Variants in SKIC8 observed in about 807,000 individuals in gnomAD.
SKIC8 encodes the protein SKI8 subunit of superkiller complex, also known as superkiller complex protein 8.
chr15:78,298,831 C>CT, the SKIC8 span, among the ~76,000 whole-genome samples: 1 of 152,140 alleles, frequency 6.6e-6, no homozygotes, highest in Admixed American at 6.5e-5. Flanking sequence ...ATCAGTTCCA[C>CT]TTTTCTAGTA....
chr15:78,288,369 G>GGGCAT, the SKIC8 span: 1 of 1,613,638 alleles, frequency 6.2e-7, no homozygotes, highest in Non-Finnish European at 8.5e-7. Flanking sequence ...AGGAGCGAAT[G>GGGCAT]GGCATGGCAT....
the SKIC8 span, chr15:78,289,836 A>T: frequency 6.5e-7 from 1 of 1,535,578 alleles, no homozygotes; most frequent in Non-Finnish European, 8.9e-7. Context: ...AAACCACACC[A>T]GTGAGACAGC....
chr15:78,285,894 C>T, the SKIC8 span: 1 of 592,104 alleles, frequency 1.7e-6, no homozygotes, highest in South Asian at 3.6e-5. Flanking sequence ...CAACTAACAT[C>T]ACTAAATAAA....
the SKIC8 span, chr15:78,289,930 CAG>C: frequency 6.2e-7 from 1 of 1,609,750 alleles, no homozygotes; most frequent in Non-Finnish European, 8.5e-7. Flanking sequence ...AGAAGGAGAA[CAG>C]AGAGCAATGT....
At chr15:78,296,078 A>C in the SKIC8 span, 8 of 165,472 alleles carry the variant, frequency 4.8e-5, no homozygotes, top group Non-Finnish European at 9.1e-5. Flanking sequence ...ACAAACAAAC[A>C]TGGGGGAATC....
the SKIC8 span, among the ~76,000 whole-genome samples, chr15:78,294,305 G>C: frequency 6.6e-6 from 1 of 152,180 alleles, no homozygotes; most frequent in East Asian, 1.9e-4. Flanking sequence ...AAATTCCTTA[G>C]GCCTTCTCAA....
At chr15:78,292,061 A>C in the SKIC8 span, 2 of 153,972 alleles carry the variant, frequency 1.3e-5, no homozygotes, top group African/African-American at 4.8e-5. Context: ...TAAAACAAAA[A>C]AAATTGATGT....
the SKIC8 span, chr15:78,289,497 A>G: frequency 4.0e-6 from 3 of 743,180 alleles, no homozygotes; most frequent in South Asian, 3.7e-5. Flanking sequence ...CAGTTTTCCA[A>G]TTGAGATTGA....
At chr15:78,283,353 A>T in the SKIC8 span, 1 of 1,153,270 alleles carries the variant, frequency 8.7e-7, no homozygotes, top group Non-Finnish European at 1.2e-6. Flanking sequence ...TATTTCTTTT[A>T]AACAAGCCTA....
chr15:78,288,378 A>G, the SKIC8 span: 1 of 1,613,658 alleles, frequency 6.2e-7, no homozygotes, highest in Non-Finnish European at 8.5e-7. Flanking sequence ...TGGGCATGGC[A>G]TGGCCTGAAA....
the SKIC8 span, chr15:78,292,436 CT>C: frequency 1.6e-6 from 1 of 639,526 alleles, no homozygotes; most frequent in East Asian, 2.8e-5. Flanking sequence ...AGGTATTAGT[CT>C]TTCATTACAG....
chr15:78,294,720 C>G, the SKIC8 span: 4 of 514,436 alleles, frequency 7.8e-6, no homozygotes, highest in Non-Finnish European at 1.4e-5. Flanking sequence ...CTAGAATTCC[C>G]CAACCTATCA....
the SKIC8 span, chr15:78,295,508 C>G: frequency 8.4e-5 from 63 of 749,840 alleles, no homozygotes; most frequent in East Asian, 2.0e-3. Context: ...TTGCATTTCA[C>G]TAGTCCCACC....
chr15:78,287,774 AAG>A, the SKIC8 span, among the ~76,000 whole-genome samples: 1 of 152,328 alleles, frequency 6.6e-6, no homozygotes, highest in Admixed American at 6.5e-5. Flanking sequence ...CTGTGAATGA[AAG>A]AGGATGATTA....
chr15:78,295,323 C>G, the SKIC8 span: 1 of 559,878 alleles, frequency 1.8e-6, no homozygotes, highest in South Asian at 2.1e-5. Context: ...GAACACACAG[C>G]CTGCCTAACC....
chr15:78,289,614 T>C, the SKIC8 span: 1 of 1,603,868 alleles, frequency 6.2e-7, no homozygotes, highest in Admixed American at 1.7e-5. Flanking sequence ...GATGATGATA[T>C]ATACCTTCCA....
chr15:78,292,489 T>C, the SKIC8 span: 1 of 1,028,118 alleles, frequency 9.7e-7, no homozygotes, highest in Non-Finnish European at 1.5e-6. Context: ...TGAAATACAG[T>C]TCATGCACAC....
chr15:78,298,840 TAAGAA>T, the SKIC8 span, among the ~76,000 whole-genome samples: 11 of 151,992 alleles, frequency 7.2e-5, no homozygotes, highest in East Asian at 3.9e-4. Flanking sequence ...ACTTTTCTAG[TAAGAA>T]AAGGGAGGCT....
the SKIC8 span, among the ~76,000 whole-genome samples, chr15:78,293,996 C>A: frequency 2.0e-5 from 3 of 152,160 alleles, no homozygotes; most frequent in African/African-American, 7.2e-5. Context: ...GAGGCTTTAC[C>A]CCTGCCTGGC....
Sources: gnomAD v4.1 joint callset for allele counts (sites outside exome capture counted in the v4.1 genomes callset) on GRCh38, gnomAD v4.1.1 for gene constraint, MANE v1.5 for transcripts, NCBI Gene and HGNC (gene_info 2026-07-23, HGNC 2026-07-21) for gene names.